FRMD3: variants seen among roughly 807,000 people sequenced by gnomAD.
FRMD3 encodes the protein FERM domain-containing protein 3.
FRMD3 carries 33 observed loss-of-function variants against 70.2 expected under a neutral mutation model. That is an observed-to-expected ratio of 0.47 (90% CI 0.36 to 0.63). The LOEUF (loss-of-function observed/expected upper bound fraction) is 0.63. Among genes scored for constraint, FRMD3 ranks in the 20% least tolerant of loss-of-function variants. The pLI is 0.00. For synonymous variants in FRMD3, 279 were observed against 255.9 expected (o/e 1.09, Z -0.86); for missense variants, 632 against 711.4 (o/e 0.89, Z 1.27).
chr9:83,454,922 C>T (rs1007865329), intron 1 of FRMD3, among the ~76,000 whole-genome samples: 1 of 151,964 alleles, frequency 6.6e-6, no homozygotes, highest in Non-Finnish European at 1.5e-5. Flanking sequence ...TATCATGCCA[C>T]CATACTCAGG....
intron 1 of FRMD3, among the ~76,000 whole-genome samples, chr9:83,402,498 T>A (rs533931540): frequency 6.6e-6 from 1 of 151,972 alleles, no homozygotes; most frequent in South Asian, 2.1e-4. Flanking sequence ...ATGAATAGTT[T>A]ATGGAGAAAT....
At chr9:83,478,337 A>G (rs1184070993) in intron 1 of FRMD3, among the ~76,000 whole-genome samples, 1 of 152,160 alleles carries the variant, frequency 6.6e-6, no homozygotes, top group Non-Finnish European at 1.5e-5. Context: ...AATGTAATGA[A>G]CATATGCATA....
the FRMD3 span, among the ~76,000 whole-genome samples, chr9:83,555,847 G>A: frequency 6.6e-6 from 1 of 152,156 alleles, no homozygotes; most frequent in Non-Finnish European, 1.5e-5. Flanking sequence ...TGATGGAGTG[G>A]GTTCACAGGG....
chr9:83,274,455 G>A (rs566455987), intron 13 of FRMD3, among the ~76,000 whole-genome samples: 1 of 152,318 alleles, frequency 6.6e-6, no homozygotes, highest in South Asian at 2.1e-4. Flanking sequence ...CATGTCAAGA[G>A]CCAAGAAATA....
At chr9:83,584,190 G>T in the FRMD3 span, among the ~76,000 whole-genome samples, 1 of 152,068 alleles carries the variant, frequency 6.6e-6, no homozygotes, top group Non-Finnish European at 1.5e-5. Context: ...AAAAAAATTA[G>T]CTGGGCATGG....
At position 83,509,787 on chromosome 9, in the gene FRMD3, G is replaced by A. The variant is rs568421118; in HGVS notation, c.147+28298C>T. Among the ~76,000 whole-genome samples, 123 of 149,484 alleles carry A rather than the reference G, an allele frequency of 8.2e-4. 2 individuals are homozygous for A. Among genetic ancestry groups the A allele is most frequent in the African/African-American group, 2.8e-3 (116 of 40,792 alleles). The stretch of plus-strand genomic sequence containing the variant: ...TTAATTAAAATACGCACACGCGCGC[G>A]CACACACACACACACACACAGTTCC... On this transcript the variant is annotated intron_variant, in intron 1 of 13. Transcript: ENST00000304195.
At chr9:83,413,767 T>G (rs1312499401) in intron 1 of FRMD3, among the ~76,000 whole-genome samples, 1 of 152,176 alleles carries the variant, frequency 6.6e-6, no homozygotes, top group Non-Finnish European at 1.5e-5. Context: ...CTGCCTTCAC[T>G]AATCTCAACT....
rs992008924 is a variant in FRMD3, at chr9:83,273,993, C to G, written c.1195+16610G>C. Among the ~76,000 whole-genome samples the G allele has an allele frequency of 2.6e-5, 4 of 152,028 alleles. No individual in the cohort carries two copies. In the South Asian group the frequency reaches 8.3e-4, roughly 32 times the overall value. Reference sequence around the variant, plus strand: ...CCATCAAATTTGGATAATTTTTTTACATTTTTTTATAGAGACGGCATCTCA... The same window carrying G: ...CCATCAAATTTGGATAATTTTTTTAGATTTTTTTATAGAGACGGCATCTCA... On this transcript the variant is annotated intron_variant, in intron 13 of 13. Coordinates refer to ENST00000304195, the MANE Select transcript of FRMD3 (RefSeq NM_174938.6).
At chr9:83,429,183 T>C (rs74643265) in intron 1 of FRMD3, among the ~76,000 whole-genome samples, 2,087 of 152,298 alleles carry the variant, frequency 0.014, 36 homozygotes, top group African/African-American at 0.048. Flanking sequence ...AGTCATGCCA[T>C]AGCAAGTGGC....
chr9:83,537,810 C>G lies in FRMD3; in HGVS notation c.147+275G>C, dbSNP rs11140144. On this transcript the variant is annotated intron_variant, in intron 1 of 13. Coordinates refer to ENST00000304195, the MANE Select transcript of FRMD3 (RefSeq NM_174938.6). The surrounding 1 kb of genome is among the most constrained non-coding windows in gnomAD (Gnocchi z 4.1). Reference sequence around the variant, plus strand: ...CTCCGGAGGCAGCTGCCCCGCGCCCCTAGCCCGGGCGCAGTGAGACGCGCG... The same window carrying G: ...CTCCGGAGGCAGCTGCCCCGCGCCCGTAGCCCGGGCGCAGTGAGACGCGCG... Among the ~76,000 whole-genome samples, 28,936 of 151,102 alleles carry G rather than the reference C, an allele frequency of 0.19. 3,155 individuals carry two copies. The highest frequency in any genetic ancestry group is 0.27 in the African/African-American group (11,281 of 41,244).
the FRMD3 span, among the ~76,000 whole-genome samples, chr9:83,549,253 C>T: frequency 2.0e-5 from 3 of 152,156 alleles, no homozygotes; most frequent in African/African-American, 7.2e-5. Flanking sequence ...TAGCCTCCAA[C>T]TCCATCCATA....
chr9:83,442,587 C>A (rs1205882201), intron 1 of FRMD3, among the ~76,000 whole-genome samples: 3 of 151,950 alleles, frequency 2.0e-5, no homozygotes, highest in Non-Finnish European at 4.4e-5. Flanking sequence ...GGGAGGAAAG[C>A]CAACGTATAA....
chr9:83,432,959 A>G (rs1827024995), intron 1 of FRMD3, among the ~76,000 whole-genome samples: 1 of 152,200 alleles, frequency 6.6e-6, no homozygotes, highest in African/African-American at 2.4e-5. Flanking sequence ...CCTATAGCTT[A>G]GCTTCCACTT....
chr9:83,345,033 C>T (rs1365330941), intron 4 of FRMD3, among the ~76,000 whole-genome samples: 1 of 152,156 alleles, frequency 6.6e-6, no homozygotes, highest in Non-Finnish European at 1.5e-5. Flanking sequence ...GGGACGCTGT[C>T]AACCCCAGAG....
At chr9:83,253,441 A>G (rs1186602356) in intron 13 of FRMD3, among the ~76,000 whole-genome samples, 1 of 152,204 alleles carries the variant, frequency 6.6e-6, no homozygotes, top group Non-Finnish European at 1.5e-5. Context: ...AACCCCATCA[A>G]AAAGTGGGCA....
chr9:83,402,071 C>T (rs1390064058), intron 1 of FRMD3, among the ~76,000 whole-genome samples: 1 of 151,858 alleles, frequency 6.6e-6, no homozygotes, highest in East Asian at 1.9e-4. Flanking sequence ...CATTTTAAGG[C>T]ATTCCATGAG....
At position 83,489,353 on chromosome 9, in the gene FRMD3, T is replaced by C. The variant is rs190865645; in HGVS notation, c.147+48732A>G. On this transcript the variant is annotated intron_variant, in intron 1 of 13. Coordinates refer to ENST00000304195, the MANE Select transcript of FRMD3 (RefSeq NM_174938.6). ...AGTGGAAGAAAATATTCTCAAACTA[T>C]GCATCTGACAAAGACCTAATATCTG... 1.2e-3 allele frequency among the ~76,000 whole-genome samples: 176 copies of C among 152,220 alleles called. 5 individuals carry two copies. In the East Asian group the frequency reaches 0.026, roughly 23 times the overall value.
chr9:83,303,866 T>A (rs1163416218), intron 10 of FRMD3, among the ~76,000 whole-genome samples: 1 of 152,218 alleles, frequency 6.6e-6, no homozygotes, highest in Non-Finnish European at 1.5e-5. Flanking sequence ...CACCTGTCAC[T>A]GCAATGGGTA....
rs540136967 is a variant in FRMD3, at chr9:83,323,115, C to T, written c.597-9368G>A. Reference sequence around the variant, plus strand: ...TTTGGTGGAACTAATCTGGAAAACTCTTTGGCATTATCTACTAAAGTTGAA... The same window carrying T: ...TTTGGTGGAACTAATCTGGAAAACTTTTTGGCATTATCTACTAAAGTTGAA... On this transcript the variant is annotated intron_variant, in intron 6 of 13. Transcript: ENST00000304195. Among the ~76,000 whole-genome samples the T allele has an allele frequency of 2.0e-5, 3 of 152,328 alleles. No individual in the cohort carries two copies. In the South Asian group the frequency reaches 6.2e-4, roughly 32 times the overall value.
Sources: gnomAD v4.1 joint callset for allele counts (sites outside exome capture counted in the v4.1 genomes callset) on GRCh38, gnomAD v4.1.1 for gene constraint, Gnocchi (gnomAD v3.1) non-coding constraint, MANE v1.5 for transcripts, NCBI Gene and HGNC (gene_info 2026-07-23, HGNC 2026-07-21) for gene names.